Variants in ATP8A2 observed in about 807,000 individuals in gnomAD.
ATP8A2 encodes ATPase phospholipid transporting 8A2.
ATP8A2 carries 100 observed loss-of-function variants against 165.6 expected under a neutral mutation model. The observed-to-expected ratio is 0.60, with a 90% CI of 0.51 to 0.71. The LOEUF (loss-of-function observed/expected upper bound fraction) is 0.71. Among genes scored for constraint, ATP8A2 ranks in the 30% least tolerant of loss-of-function variants. ATP8A2 has a pLI of 0.00. For missense variants in ATP8A2, 1,227 were observed against 1,479.5 expected (o/e 0.83, Z 2.80); for synonymous variants, 543 against 548.8 (o/e 0.99, Z 0.15).
chr13:25,860,842 G>T lies in ATP8A2; in HGVS notation c.3057G>T (p.Glu1019Asp). Residue 1019 changes from glutamate (E) to aspartate (D), a missense_variant, in exon 32 of 37, where the codon GAG becomes GAT. Glu to Asp is a conservative substitution (Grantham distance 45, BLOSUM62 2). Around this residue, in one of 5 missense-constraint regions of ATP8A2, gnomAD observed 260 missense variants for 245.1 expected, o/e 1.06. Transcript: ENST00000381655. ...CTGTTTGTCTGAAAGCTGGTTTGGAGACCACAGCTTGGACTAAAGTAAGTT... is the reference window on the plus strand; with the variant it reads ...CTGTTTGTCTGAAAGCTGGTTTGGATACCACAGCTTGGACTAAAGTAAGTT... ...VVTVCLKAGL[E>D]TTAWTKFSHL... 1 of 1,596,648 alleles carries T rather than the reference G, an allele frequency of 6.3e-7. No homozygotes were observed. The highest frequency in any genetic ancestry group is 8.6e-7 in the Non-Finnish European group (1 of 1,168,960).
At chr13:25,539,060 A>AGTGTGTGTGTGTGT (rs57382485) in intron 7 of ATP8A2, among the ~76,000 whole-genome samples, 26 of 137,514 alleles carry the variant, frequency 1.9e-4, no homozygotes, top group African/African-American at 6.7e-4. Flanking sequence ...TAGAAAATTT[A>AGTGTGTGTGTGTGT]GTGTGTGTGT....
intron 35 of ATP8A2, among the ~76,000 whole-genome samples, chr13:25,981,276 C>T (rs1956166319): frequency 1.3e-5 from 2 of 152,194 alleles, no homozygotes; most frequent in African/African-American, 4.8e-5. Context: ...AGTTTGTGTA[C>T]ACACTGTCTC....
intron 25 of ATP8A2, among the ~76,000 whole-genome samples, chr13:25,751,294 C>T (rs2044148593): frequency 6.6e-6 from 1 of 152,136 alleles, no homozygotes; most frequent in Admixed American, 6.5e-5. Context: ...ATCTTGTTTT[C>T]TAGGACTTCT....
intron 33 of ATP8A2, among the ~76,000 whole-genome samples, chr13:25,880,101 G>A (rs190120076): frequency 1.0e-3 from 159 of 152,292 alleles, no homozygotes; most frequent in Non-Finnish European, 1.7e-3. Flanking sequence ...TGTCCATGGG[G>A]TACTGTTTTG....
At chr13:25,800,339 G>A (rs115638729) in intron 27 of ATP8A2, among the ~76,000 whole-genome samples, 1 of 152,192 alleles carries the variant, frequency 6.6e-6, no homozygotes, top group East Asian at 1.9e-4. Context: ...GAGCAGGAAA[G>A]GAAATAAACA....
chr13:25,853,396 A>AATATATATATATATAT (rs1555278503), intron 30 of ATP8A2, among the ~76,000 whole-genome samples: 6 of 107,864 alleles, frequency 5.6e-5, no homozygotes, highest in African/African-American at 1.4e-4. Context: ...ATCTAAAAAA[A>AATATATATATATATAT]ATATATATAT....
At chr13:25,866,888 G>A (rs536264909) in intron 33 of ATP8A2, among the ~76,000 whole-genome samples, 6 of 152,296 alleles carry the variant, frequency 3.9e-5, no homozygotes, top group Non-Finnish European at 5.9e-5. Flanking sequence ...AAGTGGTTAC[G>A]TAGGATGCCA....
intron 1 of ATP8A2, among the ~76,000 whole-genome samples, chr13:25,416,607 TC>T (rs111384269): frequency 2.0e-5 from 3 of 152,152 alleles, no homozygotes; most frequent in African/African-American, 4.8e-5. Flanking sequence ...CATATTTATC[TC>T]CTTTACACAG....
intron 33 of ATP8A2, among the ~76,000 whole-genome samples, chr13:25,894,908 T>A (rs2138917482): frequency 6.6e-6 from 1 of 152,306 alleles, no homozygotes; most frequent in Non-Finnish European, 1.5e-5. Flanking sequence ...TTGCTGAAGT[T>A]GCTTATCAGC....
intron 2 of ATP8A2, among the ~76,000 whole-genome samples, chr13:25,521,320 A>G (rs1593452517): frequency 6.6e-6 from 1 of 152,036 alleles, no homozygotes; most frequent in Non-Finnish European, 1.5e-5. Flanking sequence ...ATTTTCTCCC[A>G]TTCTCTGGGT....
intron 2 of ATP8A2, among the ~76,000 whole-genome samples, chr13:25,513,568 A>G (rs1593436746): frequency 6.6e-6 from 1 of 152,204 alleles, no homozygotes; most frequent in East Asian, 2.0e-4. Context: ...GGCCGGGCAG[A>G]GGCTGCAATC....
intron 24 of ATP8A2, among the ~76,000 whole-genome samples, chr13:25,635,058 T>G (rs2041336027): frequency 6.6e-6 from 1 of 152,178 alleles, no homozygotes; most frequent in Admixed American, 6.5e-5. Context: ...GTGTGTGCTG[T>G]TTCAGTGTCA....
chr13:25,423,220 A>T (rs976168282), intron 1 of ATP8A2, among the ~76,000 whole-genome samples: 2 of 152,192 alleles, frequency 1.3e-5, no homozygotes, highest in African/African-American at 2.4e-5. Context: ...CTTCATTTTT[A>T]AAAAAATTAA....
chr13:25,925,754 G>A (rs1161315676), intron 33 of ATP8A2, among the ~76,000 whole-genome samples: 1 of 147,264 alleles, frequency 6.8e-6, no homozygotes, highest in Non-Finnish European at 1.5e-5. Context: ...TTGAGACGGA[G>A]TTTGCTCTTG....
intron 2 of ATP8A2, among the ~76,000 whole-genome samples, chr13:25,522,979 G>A (rs1034337370): frequency 3.8e-4 from 58 of 152,150 alleles, no homozygotes; most frequent in African/African-American, 1.3e-3. Flanking sequence ...CAAAGAGATA[G>A]CCAGGGGTAG....
At chr13:25,580,057 G>A in intron 22 of ATP8A2, 110 bp downstream of exon 22, 1 of 1,242,890 alleles carries the variant, frequency 8.0e-7, no homozygotes. Flanking sequence ...CTCTTTTCTT[G>A]TGTCTTAATG....
chr13:25,427,683 C>A (rs2034489296), intron 1 of ATP8A2, among the ~76,000 whole-genome samples: 1 of 151,886 alleles, frequency 6.6e-6, no homozygotes, highest in Non-Finnish European at 1.5e-5. Flanking sequence ...AACATGAGGT[C>A]AAGAGATCGA....
At chr13:25,741,588 G>C (rs2043913517) in intron 25 of ATP8A2, among the ~76,000 whole-genome samples, 1 of 150,890 alleles carries the variant, frequency 6.6e-6, no homozygotes. Context: ...GGGTCTCACT[G>C]TGTTGTCCAG....
At chr13:25,390,169 T>G (rs556987669) in intron 1 of ATP8A2, among the ~76,000 whole-genome samples, 1 of 152,236 alleles carries the variant, frequency 6.6e-6, no homozygotes, top group East Asian at 1.9e-4. Flanking sequence ...AATTTTTGTA[T>G]TTTTAGTACA....
Sources: allele counts gnomAD v4.1 joint callset (sites outside exome capture counted in the v4.1 genomes callset), GRCh38; gene constraint gnomAD v4.1.1; regional missense constraint gnomAD v4.1.1; transcripts MANE v1.5; gene names NCBI Gene and HGNC (gene_info 2026-07-23, HGNC 2026-07-21).